The following SOCS7 variants were observed in gnomAD, a reference collection of about 807,000 sequenced individuals.
SOCS7 encodes the protein suppressor of cytokine signaling 7, also known as NAP-4.
In SOCS7, 18 loss-of-function variants were observed where a neutral mutation model predicts 58.9. That is an observed-to-expected ratio of 0.31 (90% CI 0.21 to 0.45). The LOEUF (loss-of-function observed/expected upper bound fraction) is 0.45. SOCS7 is among the 20% of genes least tolerant of loss of function. SOCS7 has a pLI of 1.00. For missense variants in SOCS7, 667 were observed against 837.3 expected (o/e 0.80, Z 2.51); for synonymous variants, 388 against 364.3 (o/e 1.06, Z -0.74).
intron 7 of SOCS7, among the ~76,000 whole-genome samples, chr17:38,389,872 T>TATATATATGTGTAC (rs2038137782): frequency 4.5e-5 from 5 of 111,756 alleles, no homozygotes; most frequent in Admixed American, 1.9e-4. Flanking sequence ...TGTGTACATA[T>TATATATATGTGTAC]ATATATATAT....
In SOCS7 at chr17:38,402,436, A is replaced by G. The variant is rs1199340800; in HGVS notation, c.*2954A>G. 2 of 152,384 alleles carry G rather than the reference A, an allele frequency of 1.3e-5. No individual in the cohort carries two copies. The highest frequency in any genetic ancestry group is 2.9e-5 in the Non-Finnish European group (2 of 68,212). The allele number at this position is 152,384 out of a possible 1,614,324, so 9.4% of individuals were successfully genotyped here. A position where few individuals can be genotyped will look rare whatever the true frequency, so the allele number is the denominator to read the frequency against. ...CCAGTGCTGTGCAGAGCTCATTTAA[A>G]TGTATTCCTTTCTAGGTCTGGGCGC... On this transcript the variant is annotated 3_prime_UTR_variant, in exon 10 of 10. Transcript: ENST00000612932.
chr17:38,364,723 G>A, intron 2 of SOCS7, 29 bp from the exon 3 acceptor site: 2 of 1,594,620 alleles, frequency 1.3e-6, no homozygotes, highest in Non-Finnish European at 1.7e-6. Flanking sequence ...AGGCGCTTCT[G>A]TAACTTGCTT....
Position 38,402,825 on chromosome 17 carries a change from G to A in SOCS7, c.*3343G>A, listed in dbSNP as rs529388241. On this transcript the variant is annotated 3_prime_UTR_variant, in exon 10 of 10. Transcript: ENST00000612932. ...CCCACTGTTGATTCCTAAGTTGTGGGTGGGTGATATCAGTGGCCTCAGTGC... is the reference window on the plus strand; with the variant it reads ...CCCACTGTTGATTCCTAAGTTGTGGATGGGTGATATCAGTGGCCTCAGTGC... The A allele has an allele frequency of 3.5e-4, 53 of 152,344 alleles. No individual in the cohort carries two copies. The highest frequency in any genetic ancestry group is 1.3e-3 in the African/African-American group (52 of 41,586). 9.4% of individuals were successfully genotyped at this position (152,344 alleles called of 1,614,324 possible).
At chr17:38,386,689 A>T (rs1431760087) in intron 7 of SOCS7, among the ~76,000 whole-genome samples, 1 of 152,188 alleles carries the variant, frequency 6.6e-6, no homozygotes, top group African/African-American at 2.4e-5. Flanking sequence ...TACCAAATTC[A>T]TATAGAAAAA....
Position 38,352,456 on chromosome 17 carries a change from CG to C in SOCS7, c.409del (p.Val137SerfsTer103). On this transcript the variant is annotated frameshift_variant, in exon 1 of 10. Coordinates refer to ENST00000612932, the MANE Select transcript of SOCS7 (RefSeq NM_014598.4). LOFTEE classifies it high-confidence loss of function. This position sits in a 1 kb window ranked among gnomAD's most constrained non-coding sequence, Gnocchi z 5.5. ...CTGGGGCTCGGGCAGCCGGCGGGGC[CG>C]GGGGTCAAGACAGTCGGTGGGGGTT... Reference protein sequence around the residue: ...AALGLGQPAGPGVKTVGGGCC... With the variant: ...AALGLGQPAGXGVKTVGGGCC... The C allele has an allele frequency of 6.8e-7, 1 of 1,469,476 alleles. No individual in the cohort carries two copies. The highest frequency in any genetic ancestry group is 9.0e-7 in the Non-Finnish European group (1 of 1,111,488). The allele number at this position is 1,469,476 out of a possible 1,614,324, so 91.0% of individuals were successfully genotyped here. A position where few individuals can be genotyped will look rare whatever the true frequency, so the allele number is the denominator to read the frequency against.
chr17:38,379,170 CAAAAAAAAACAAAA>C (rs1286814720), intron 7 of SOCS7, among the ~76,000 whole-genome samples: 12 of 110,654 alleles, frequency 1.1e-4, no homozygotes, highest in East Asian at 7.5e-4. Context: ...AAAAAAAAAA[CAAAAAAAAACAAAA>C]AAAAAAAAAC....
At chr17:38,372,068 A>G (rs1412095154) in intron 6 of SOCS7, among the ~76,000 whole-genome samples, 1 of 152,114 alleles carries the variant, frequency 6.6e-6, no homozygotes, top group Non-Finnish European at 1.5e-5. Context: ...TTGACCCTTG[A>G]ACAACCTGGG....
At chr17:38,369,624 G>C (rs2037834934) in intron 6 of SOCS7, among the ~76,000 whole-genome samples, 1 of 151,150 alleles carries the variant, frequency 6.6e-6, no homozygotes, top group Non-Finnish European at 1.5e-5. Context: ...TTAAGTTCTT[G>C]ATAGGTGAGA....
intron 2 of SOCS7, among the ~76,000 whole-genome samples, 192 bp downstream of exon 2, chr17:38,361,967 A>G (rs1196422776): frequency 1.3e-5 from 2 of 152,120 alleles, no homozygotes; most frequent in African/African-American, 2.4e-5. Flanking sequence ...TGGATGCTTT[A>G]TAGTTGGAGG....
intron 6 of SOCS7, among the ~76,000 whole-genome samples, chr17:38,377,163 T>G (rs1487093397): frequency 6.6e-6 from 1 of 152,226 alleles, no homozygotes; most frequent in Non-Finnish European, 1.5e-5. Context: ...AATAAGTACA[T>G]CTATATAGAG....
At chr17:38,371,153 G>A (rs1432745846) in intron 6 of SOCS7, among the ~76,000 whole-genome samples, 1 of 152,112 alleles carries the variant, frequency 6.6e-6, no homozygotes, top group Non-Finnish European at 1.5e-5. Context: ...CTGGCTCTGT[G>A]CCCAGGTTGG....
chr17:38,375,570 A>C (rs2037920536), intron 6 of SOCS7, among the ~76,000 whole-genome samples: 1 of 152,308 alleles, frequency 6.6e-6, no homozygotes, highest in Middle Eastern at 3.4e-3. Context: ...CCGACTGTTT[A>C]TATTATTGGT....
chr17:38,398,860 A>G lies in SOCS7; in HGVS notation c.*31-653A>G, dbSNP rs539225147. Reference sequence around the variant, plus strand: ...GTAATCCCAGCAGTTTGGGAGGCCAAGGCGGGCTCATCACGAGGTCAGGAG... The same window carrying G: ...GTAATCCCAGCAGTTTGGGAGGCCAGGGCGGGCTCATCACGAGGTCAGGAG... On this transcript the variant is annotated intron_variant, in intron 9 of 9. Coordinates refer to ENST00000612932, the MANE Select transcript of SOCS7 (RefSeq NM_014598.4). Among the ~76,000 whole-genome samples, 31 of 152,256 alleles carry G rather than the reference A, an allele frequency of 2.0e-4. No individual in the cohort carries two copies. In the South Asian group the frequency reaches 3.3e-3, roughly 16 times the overall value.
intron 7 of SOCS7, among the ~76,000 whole-genome samples, chr17:38,388,094 A>G (rs1281596809): frequency 6.6e-6 from 1 of 151,964 alleles, no homozygotes; most frequent in Non-Finnish European, 1.5e-5. Flanking sequence ...ATGGCTTTTA[A>G]TTCATTACAG....
rs41391047 is a variant in SOCS7, at chr17:38,361,123, A to C, written c.981-588A>C. On this transcript the variant is annotated intron_variant, in intron 1 of 9. Transcript: ENST00000612932. ...AGACGAATGGGCCCTCTTGGATGCT[A>C]GGCAGAGCCCCTAATCTGAGGAGGC... 4.5e-3 allele frequency among the ~76,000 whole-genome samples: 680 copies of C among 152,242 alleles called. 6 individuals are homozygous for C. The highest frequency in any genetic ancestry group is 0.016 in the African/African-American group (657 of 41,586).
At chr17:38,367,490 C>T (rs2037806694) in intron 5 of SOCS7, among the ~76,000 whole-genome samples, 1 of 152,166 alleles carries the variant, frequency 6.6e-6, no homozygotes, top group African/African-American at 2.4e-5. Flanking sequence ...TCTTCTGCCT[C>T]AGCCTCCTGA....
chr17:38,361,572 C>T, intron 1 of SOCS7, 139 bp from the exon 2 acceptor site: 1 of 725,840 alleles, frequency 1.4e-6, no homozygotes, highest in South Asian at 1.5e-5. Flanking sequence ...TTATTTTATG[C>T]TGTATTACAA....
At chr17:38,375,775 A>C (rs573085757) in intron 6 of SOCS7, 1 of 152,240 alleles carries the variant, frequency 6.6e-6, no homozygotes, top group South Asian at 2.1e-4. Context: ...GGTCATTAAT[A>C]GGTTCTTGGA....
rs2038339467 is a variant in SOCS7, at chr17:38,402,816, A to G, written c.*3334A>G. On this transcript the variant is annotated 3_prime_UTR_variant, in exon 10 of 10. Transcript: ENST00000612932. ...ATCTAGGGACCCACTGTTGATTCCT[A>G]AGTTGTGGGTGGGTGATATCAGTGG... The G allele has an allele frequency of 6.6e-6, 1 of 152,134 alleles. No homozygotes were observed. The highest frequency in any genetic ancestry group is 2.4e-5 in the African/African-American group (1 of 41,422). 9.4% of individuals were successfully genotyped at this position (152,134 alleles called of 1,614,324 possible).
Sources: allele counts gnomAD v4.1 joint callset (sites outside exome capture counted in the v4.1 genomes callset), GRCh38; gene constraint gnomAD v4.1.1; non-coding constraint Gnocchi (gnomAD v3.1); transcripts MANE v1.5; gene names NCBI Gene and HGNC (gene_info 2026-07-23, HGNC 2026-07-21).